Variants in KLHL1 observed in about 807,000 individuals in gnomAD.
The protein encoded by KLHL1 is kelch like family member 1.
In KLHL1, 47 loss-of-function variants were observed where a neutral mutation model predicts 77.7. The observed-to-expected ratio is 0.60, with a 90% CI of 0.48 to 0.77. KLHL1 has a LOEUF of 0.77. KLHL1 is among the 30% of genes least tolerant of loss of function. The pLI, the probability that KLHL1 is intolerant of heterozygous loss-of-function variation, is 0.00. For missense variants in KLHL1, 925 were observed against 910.8 expected, an observed-to-expected ratio of 1.02 and a Z score of -0.20; for synonymous variants, 360 against 325.2, an observed-to-expected ratio of 1.11 and a Z score of -1.15.
chr13:69,887,442 G>T (rs555575120), intron 4 of KLHL1, among the ~76,000 whole-genome samples: 1 of 152,040 alleles, frequency 6.6e-6, no homozygotes, highest in Non-Finnish European at 1.5e-5. Context: ...AAATCTTTAA[G>T]ATCTGCTTCC....
At chr13:70,038,581 A>ATTTTTTTTT (rs55885952) in intron 1 of KLHL1, among the ~76,000 whole-genome samples, 38 of 73,048 alleles carry the variant, frequency 5.2e-4, no homozygotes, top group Non-Finnish European at 6.3e-4. Flanking sequence ...ATTGTCATTA[A>ATTTTTTTTT]TTTTTTTTTT....
chr13:70,085,364 A>G (rs779383696), intron 1 of KLHL1, among the ~76,000 whole-genome samples: 50 of 152,240 alleles, frequency 3.3e-4, no homozygotes, highest in Non-Finnish European at 5.3e-4. Context: ...TACTGTATCA[A>G]GCTTCCAGAT....
rs138703746 is a variant in KLHL1 at position 69,761,901 on chromosome 13, T to C, written c.1640-21345A>G. Reference sequence around the variant, plus strand: ...AAAATATATGTTGATGAGTGACTGTTCTAAATTGCTAAGATGGTTTATGAT... The same window carrying C: ...AAAATATATGTTGATGAGTGACTGTCCTAAATTGCTAAGATGGTTTATGAT... On this transcript the variant is annotated intron_variant, in intron 7 of 10. Coordinates refer to ENST00000377844, the MANE Select transcript of KLHL1 (RefSeq NM_020866.3). Among the ~76,000 whole-genome samples, 108 of 152,278 alleles carry C rather than the reference T, an allele frequency of 7.1e-4. 1 individual carries two copies. The highest frequency in any genetic ancestry group is 2.4e-3 in the African/African-American group (98 of 41,544).
chr13:69,920,097 T>C (rs61543671), intron 4 of KLHL1, among the ~76,000 whole-genome samples: 1 of 122,340 alleles, frequency 8.2e-6, no homozygotes, highest in East Asian at 2.6e-4. Flanking sequence ...ATTTACAATA[T>C]TGTATTATTA....
chr13:69,884,122 T>C (rs1881107296), intron 4 of KLHL1, among the ~76,000 whole-genome samples: 4 of 152,200 alleles, frequency 2.6e-5, no homozygotes, highest in Admixed American at 2.6e-4. Context: ...AGAAACCTGG[T>C]CTGTGTTACA....
At chr13:69,764,174 T>C (rs916066398) in intron 7 of KLHL1, among the ~76,000 whole-genome samples, 2 of 152,208 alleles carry the variant, frequency 1.3e-5, no homozygotes, top group African/African-American at 4.8e-5. Context: ...TCTTTATTCA[T>C]AGTGAACTGT....
chr13:69,841,637 C>A (rs1309907023), intron 5 of KLHL1, among the ~76,000 whole-genome samples: 1 of 151,812 alleles, frequency 6.6e-6, no homozygotes, highest in Non-Finnish European at 1.5e-5. Context: ...TTGCTCAAAT[C>A]ATTCTATAGG....
intron 2 of KLHL1, among the ~76,000 whole-genome samples, chr13:69,971,180 A>G (rs182800705): frequency 1.3e-5 from 2 of 152,184 alleles, no homozygotes; most frequent in African/African-American, 4.8e-5. Context: ...TCCGTTTTCT[A>G]TATTATAGAG....
At chr13:69,937,675 C>T (rs1883229143) in intron 4 of KLHL1, among the ~76,000 whole-genome samples, 1 of 152,114 alleles carries the variant, frequency 6.6e-6, no homozygotes, top group Non-Finnish European at 1.5e-5. Context: ...AATCAAAATT[C>T]TCCAGTATTT....
chr13:70,032,762 G>A (rs557517314), intron 1 of KLHL1, among the ~76,000 whole-genome samples: 2 of 152,086 alleles, frequency 1.3e-5, no homozygotes, highest in African/African-American at 2.4e-5. Context: ...ATTTATCTAT[G>A]TTGATCTGAA....
At chr13:69,715,240 T>C (rs1373115349) in intron 9 of KLHL1, among the ~76,000 whole-genome samples, 1 of 152,186 alleles carries the variant, frequency 6.6e-6, no homozygotes, top group Non-Finnish European at 1.5e-5. Flanking sequence ...CATTTTGAAT[T>C]GTAATCCCCA....
At chr13:70,052,828 C>T (rs1015967560) in intron 1 of KLHL1, among the ~76,000 whole-genome samples, 15 of 151,798 alleles carry the variant, frequency 9.9e-5, no homozygotes, top group Admixed American at 5.3e-4. Context: ...TTGTTGAATA[C>T]GGAGAATATA....
Position 69,818,888 on chromosome 13 carries a change from C to A in KLHL1, c.1414+20088G>T, listed in dbSNP as rs140319346. Among the ~76,000 whole-genome samples the A allele has an allele frequency of 1.9e-4, 29 of 152,208 alleles. No homozygotes were observed. In the East Asian group the frequency reaches 5.4e-3, roughly 28 times the overall value. On this transcript the variant is annotated intron_variant, in intron 6 of 10. Coordinates refer to ENST00000377844, the MANE Select transcript of KLHL1 (RefSeq NM_020866.3). The stretch of plus-strand genomic sequence containing the variant: ...CAAAGGGGCAAATATGAAAAAATAA[C>A]CCTTCTTTTATTATATTGCTTTTCT...
chr13:69,995,736 A>C (rs1231414005), intron 1 of KLHL1, among the ~76,000 whole-genome samples: 1 of 152,148 alleles, frequency 6.6e-6, no homozygotes, highest in East Asian at 1.9e-4. Flanking sequence ...TTTGAAAGCC[A>C]GGTAATAAAT....
intron 5 of KLHL1, among the ~76,000 whole-genome samples, chr13:69,862,493 T>C (rs1400739686): frequency 6.6e-6 from 1 of 152,120 alleles, no homozygotes; most frequent in Non-Finnish European, 1.5e-5. Context: ...TTGTTGTCAT[T>C]AAATGTTCTT....
At chr13:69,803,498 G>A (rs1345004763) in intron 6 of KLHL1, among the ~76,000 whole-genome samples, 1 of 152,174 alleles carries the variant, frequency 6.6e-6, no homozygotes, top group Admixed American at 6.5e-5. Context: ...CCCTTCCTGA[G>A]ATTACATGAC....
chr13:69,731,470 T>G (rs146697476), intron 8 of KLHL1, among the ~76,000 whole-genome samples: 2 of 152,292 alleles, frequency 1.3e-5, no homozygotes, highest in East Asian at 3.9e-4. Flanking sequence ...CCTTTTCACT[T>G]CTACACAGCA....
intron 7 of KLHL1, among the ~76,000 whole-genome samples, chr13:69,784,058 C>A (rs1435233878): frequency 6.6e-6 from 1 of 152,066 alleles, no homozygotes; most frequent in African/African-American, 2.4e-5. Flanking sequence ...GAATTTTCAA[C>A]CCAGAATTTC....
chr13:69,944,729 T>C (rs1339335499), intron 3 of KLHL1, among the ~76,000 whole-genome samples: 1 of 152,138 alleles, frequency 6.6e-6, no homozygotes, highest in Non-Finnish European at 1.5e-5. Context: ...AAAATTCATA[T>C]GGAAATACAC....
Sources: gnomAD v4.1 joint callset for allele counts (sites outside exome capture counted in the v4.1 genomes callset) on GRCh38, gnomAD v4.1.1 for gene constraint, MANE v1.5 for transcripts, NCBI Gene and HGNC (gene_info 2026-07-23, HGNC 2026-07-21) for gene names.